TMEM117: variants seen among roughly 807,000 people sequenced by gnomAD.
TMEM117 encodes the protein transmembrane protein 117.
Under a neutral mutation model 52.4 loss-of-function variants are expected in TMEM117, and 27 were observed. The observed-to-expected ratio is 0.51, with a 90% CI of 0.38 to 0.71. The LOEUF is 0.71. Ranked by LOEUF, TMEM117 falls within the 30% of genes least tolerant of loss-of-function variation. The pLI, the probability that TMEM117 is intolerant of heterozygous loss-of-function variation, is 0.00. For synonymous variants in TMEM117, 215 were observed against 206.3 expected (o/e 1.04, Z -0.36); for missense variants, 556 against 630.5 (o/e 0.88, Z 1.26).
chr12:44,129,140 A>C (rs1948374148), intron 3 of TMEM117, among the ~76,000 whole-genome samples: 1 of 152,224 alleles, frequency 6.6e-6, no homozygotes, highest in South Asian at 2.1e-4. Context: ...TCCCTGGCCC[A>C]GACCCTGCAT....
chr12:44,005,148 C>T (rs1428732087), intron 3 of TMEM117, among the ~76,000 whole-genome samples: 2 of 152,138 alleles, frequency 1.3e-5, no homozygotes, highest in African/African-American at 2.4e-5. Flanking sequence ...TTATTATGCT[C>T]ATTTTACAAA....
intron 3 of TMEM117, among the ~76,000 whole-genome samples, chr12:43,976,586 C>T (rs1260364323): frequency 6.6e-6 from 1 of 152,176 alleles, no homozygotes. Flanking sequence ...GATTTCTTTA[C>T]ATTCCCTTAT....
intron 4 of TMEM117, among the ~76,000 whole-genome samples, chr12:44,146,412 T>A (rs1186767550): frequency 6.6e-6 from 1 of 152,232 alleles, no homozygotes; most frequent in African/African-American, 2.4e-5. Flanking sequence ...AACCTCACAA[T>A]GTGATCTTAA....
rs11436135 is a variant in TMEM117, at chr12:43,874,426, C to CAAA, written c.277+29510_277+29512dup. On this transcript the variant is annotated intron_variant, in intron 2 of 7. Transcript: ENST00000266534. ...TGAAACCCCGTCCCTACTAAAAGTACAAAAAAAAAAAAAATTTAGCCAGGC... is the reference window on the plus strand; with the variant it reads ...TGAAACCCCGTCCCTACTAAAAGTACAAAAAAAAAAAAAAAAATTTAGCCAGGC... 8.3e-5 allele frequency among the ~76,000 whole-genome samples: 12 copies of CAAA among 143,984 alleles called. No individual in the cohort carries two copies. In the East Asian group the frequency reaches 1.4e-3, roughly 17 times the overall value. The allele number at this position is 143,984 out of a possible 152,430, so 94.5% of individuals were successfully genotyped here. A position where few individuals can be genotyped will look rare whatever the true frequency, so the allele number is the denominator to read the frequency against.
At chr12:44,231,026 G>C (rs1489402506) in intron 5 of TMEM117, among the ~76,000 whole-genome samples, 1 of 151,900 alleles carries the variant, frequency 6.6e-6, no homozygotes, top group Non-Finnish European at 1.5e-5. Context: ...GTGAACCCCT[G>C]TGTATCCTCT....
chr12:44,060,959 T>C (rs1195455492), intron 3 of TMEM117, among the ~76,000 whole-genome samples: 1 of 152,198 alleles, frequency 6.6e-6, no homozygotes, highest in Non-Finnish European at 1.5e-5. Context: ...TACTTTTCTT[T>C]ATTGCCTCTC....
chr12:44,268,438 C>T (rs562064186), intron 5 of TMEM117, among the ~76,000 whole-genome samples: 81 of 152,178 alleles, frequency 5.3e-4, no homozygotes, highest in East Asian at 3.1e-3. Flanking sequence ...GCCACAGCAC[C>T]TGGCCCCATG....
At chr12:44,203,150 T>G (rs1210580099) in intron 4 of TMEM117, among the ~76,000 whole-genome samples, 1 of 152,034 alleles carries the variant, frequency 6.6e-6, no homozygotes, top group Non-Finnish European at 1.5e-5. Flanking sequence ...TTTGTTTCGG[T>G]CTTCTCAGGA....
chr12:44,134,414 A>G (rs765688475), intron 3 of TMEM117, among the ~76,000 whole-genome samples: 8 of 152,102 alleles, frequency 5.3e-5, no homozygotes, highest in African/African-American at 1.7e-4. Flanking sequence ...GTGGTGCACT[A>G]TGTTTCCCAG....
intron 1 of TMEM117, among the ~76,000 whole-genome samples, chr12:43,838,537 G>GTT (rs780135058): frequency 2.6e-4 from 24 of 93,324 alleles, no homozygotes; most frequent in Non-Finnish European, 3.8e-4. Flanking sequence ...GAGTCTTCCA[G>GTT]TTTTTTTTTT....
intron 3 of TMEM117, among the ~76,000 whole-genome samples, chr12:44,072,736 G>C (rs925179751): frequency 6.6e-6 from 1 of 152,182 alleles, no homozygotes; most frequent in African/African-American, 2.4e-5. Flanking sequence ...GCTGCTGTTT[G>C]TTAGATATGT....
chr12:44,275,449 A>G (rs746660928), intron 5 of TMEM117, among the ~76,000 whole-genome samples: 1 of 152,148 alleles, frequency 6.6e-6, no homozygotes, highest in African/African-American at 2.4e-5. Context: ...TACTAGGTAT[A>G]TATCCAAAAG....
intron 6 of TMEM117, among the ~76,000 whole-genome samples, chr12:44,342,678 G>T (rs1464862588): frequency 6.7e-5 from 10 of 149,770 alleles, no homozygotes; most frequent in Non-Finnish European, 1.5e-4. Flanking sequence ...ATATCTAACA[G>T]TGGGCAAGTT....
chr12:44,062,941 A>G (rs1947161818), intron 3 of TMEM117, among the ~76,000 whole-genome samples: 1 of 152,206 alleles, frequency 6.6e-6, no homozygotes. Context: ...TGACTTTAAG[A>G]TGTAAACCTA....
At chr12:44,328,489 T>C (rs193221425) in intron 6 of TMEM117, among the ~76,000 whole-genome samples, 2 of 152,300 alleles carry the variant, frequency 1.3e-5, no homozygotes, top group East Asian at 3.9e-4. Context: ...AGAAAACTGC[T>C]AGCTTTTATA....
intron 3 of TMEM117, among the ~76,000 whole-genome samples, chr12:44,122,582 G>C (rs555878135): frequency 1.3e-5 from 2 of 152,082 alleles, no homozygotes; most frequent in Non-Finnish European, 2.9e-5. Context: ...CCCTCTGAGA[G>C]GCCCCAGTGC....
intron 4 of TMEM117, among the ~76,000 whole-genome samples, chr12:44,168,158 G>A (rs1310819509): frequency 2.0e-5 from 3 of 152,092 alleles, no homozygotes; most frequent in Admixed American, 2.0e-4. Context: ...GGAGGCTGAG[G>A]CAGAAGAATC....
chr12:43,944,627 G>A (rs1413595066), intron 3 of TMEM117, among the ~76,000 whole-genome samples: 1 of 152,108 alleles, frequency 6.6e-6, no homozygotes, highest in Non-Finnish European at 1.5e-5. Context: ...AAGGGGGTAT[G>A]AGAATCAGGA....
At chr12:44,326,569 G>A (rs1003498065) in intron 6 of TMEM117, among the ~76,000 whole-genome samples, 5 of 152,172 alleles carry the variant, frequency 3.3e-5, no homozygotes, top group South Asian at 2.1e-4. Flanking sequence ...AAAAGAGAAT[G>A]TAGCTATTCT....
Sources: allele counts gnomAD v4.1 joint callset (sites outside exome capture counted in the v4.1 genomes callset), GRCh38; gene constraint gnomAD v4.1.1; transcripts MANE v1.5; gene names NCBI Gene and HGNC (gene_info 2026-07-23, HGNC 2026-07-21).